The following SCEL variants were observed in gnomAD, a reference collection of about 807,000 sequenced individuals.
The protein encoded by SCEL is sciellin.
In SCEL, 113 loss-of-function variants were observed where a neutral mutation model predicts 117.6. The observed-to-expected ratio is 0.96, with a 90% CI of 0.83 to 1.12. The LOEUF (loss-of-function observed/expected upper bound fraction) is 1.12, where lower values mean the gene tolerates loss of function less well. Ranked by LOEUF, SCEL falls within the 50% of genes most tolerant of loss-of-function variation. SCEL has a pLI of 0.00. For synonymous variants in SCEL, 270 were observed against 256.2 expected (o/e 1.05, Z -0.51); for missense variants, 785 against 810.8 (o/e 0.97, Z 0.39).
chr13:77,556,659 G>T lies in SCEL; in HGVS notation c.107G>T (p.Arg36Ile). 6.2e-7 allele frequency: 1 copy of T among 1,614,070 alleles called. No individual in the cohort carries two copies. Among genetic ancestry groups the T allele is most frequent in the South Asian group, 1.1e-5 (1 of 91,084 alleles). ...CAGGATTTTCACGAGGTGAACAAAA[G>T]AAGAACTTTCTTACAGGATAACAGT... ...KQQDFHEVNK[R>I]RTFLQDNSWI... The change falls in exon 3 of 33, where the codon AGA becomes ATA. Residue 36 changes from arginine to isoleucine, a missense_variant. Physicochemically the swap from Arg to Ile is moderately conservative, Grantham distance 97. Coordinates refer to ENST00000349847, the MANE Select transcript of SCEL (RefSeq NM_144777.3).
At chr13:77,565,166 T>A (rs2085217933) in intron 5 of SCEL, among the ~76,000 whole-genome samples, 1 of 152,224 alleles carries the variant, frequency 6.6e-6, no homozygotes, top group Non-Finnish European at 1.5e-5. Context: ...AGCCTAGGAA[T>A]GTGGGAAATA....
At chr13:77,549,552 C>G (rs2084186278) in intron 1 of SCEL, among the ~76,000 whole-genome samples, 1 of 152,162 alleles carries the variant, frequency 6.6e-6, no homozygotes, top group Admixed American at 6.5e-5. Context: ...ATTCTGCTTT[C>G]CTGTACAATA....
At chr13:77,564,827 C>T (rs2085195173) in intron 5 of SCEL, among the ~76,000 whole-genome samples, 2 of 152,142 alleles carry the variant, frequency 1.3e-5, no homozygotes, top group South Asian at 4.1e-4. Context: ...CTGCATTATT[C>T]CTAGGCTTTC....
intron 27 of SCEL, among the ~76,000 whole-genome samples, chr13:77,625,134 A>G (rs1229632113): frequency 3.3e-5 from 5 of 152,138 alleles, no homozygotes; most frequent in Admixed American, 6.5e-5. Context: ...ATCTTCCACT[A>G]TTTACCACTG....
At chr13:77,620,040 C>T (rs1056538953) in intron 27 of SCEL, among the ~76,000 whole-genome samples, 10 of 152,168 alleles carry the variant, frequency 6.6e-5, no homozygotes, top group African/African-American at 1.7e-4. Flanking sequence ...CGACATTTTC[C>T]GTATACAGAT....
At chr13:77,632,042 C>G (rs1413535203) in intron 28 of SCEL, among the ~76,000 whole-genome samples, 1 of 152,210 alleles carries the variant, frequency 6.6e-6, no homozygotes, top group Non-Finnish European at 1.5e-5. Flanking sequence ...TCTCTGGTAG[C>G]TCTTCCTCTT....
At chr13:77,582,007 T>C (rs1187465261) in intron 9 of SCEL, among the ~76,000 whole-genome samples, 1 of 151,854 alleles carries the variant, frequency 6.6e-6, no homozygotes, top group Non-Finnish European at 1.5e-5. Flanking sequence ...TGGTGTAGGG[T>C]TTGGGAGAGG....
chr13:77,614,037 G>A (rs1315947189), intron 24 of SCEL, 82 bp downstream of exon 24: 1 of 1,126,096 alleles, frequency 8.9e-7, no homozygotes, highest in African/African-American at 1.6e-5. Flanking sequence ...TTATTCTATG[G>A]GCAAATTGAA....
chr13:77,619,268 T>G (rs1368157405), intron 27 of SCEL, among the ~76,000 whole-genome samples: 2 of 152,216 alleles, frequency 1.3e-5, no homozygotes, highest in Non-Finnish European at 2.9e-5. Flanking sequence ...GTTTTGTTAC[T>G]TCTTCAGCAC....
intron 32 of SCEL, 126 bp from the exon 33 acceptor site, chr13:77,644,132 A>G: frequency 3.0e-6 from 3 of 997,336 alleles, no homozygotes; most frequent in Middle Eastern, 4.2e-4. Flanking sequence ...CGATTATTTC[A>G]GAAGTGGAAG....
chr13:77,542,281 A>G (rs2154393917), intron 1 of SCEL, among the ~76,000 whole-genome samples: 1 of 152,266 alleles, frequency 6.6e-6, no homozygotes, highest in East Asian at 1.9e-4. Flanking sequence ...CGTGCCTGTA[A>G]TCCCAGCTAC....
In SCEL at chr13:77,588,359, A is replaced by G. The variant is rs921625046; in HGVS notation, c.546-785A>G. On this transcript the variant is annotated intron_variant, in intron 9 of 32. Coordinates refer to ENST00000349847, the MANE Select transcript of SCEL (RefSeq NM_144777.3). ...ACTCTAGCCCACATGCCTATCTACC[A>G]TTGCTACAGAAGCCAGAAGGGTACA... is the stretch of plus-strand genomic sequence containing the variant. Among the ~76,000 whole-genome samples the G allele has an allele frequency of 5.9e-5, 9 of 152,170 alleles. No homozygotes were observed. In the South Asian group the frequency reaches 1.0e-3, roughly 17 times the overall value.
chr13:77,551,924 T>C (rs2084353896), intron 1 of SCEL, among the ~76,000 whole-genome samples: 1 of 144,156 alleles, frequency 6.9e-6, no homozygotes, highest in Admixed American at 7.3e-5. Context: ...AATTCCCATC[T>C]ATGAGTGAGA....
Position 77,591,386 on chromosome 13 carries a change from A to C in SCEL, c.627-9A>C. 6.5e-7 allele frequency: 1 copy of C among 1,540,366 alleles called. No individual in the cohort carries two copies. The highest frequency in any genetic ancestry group is 8.9e-7 in the Non-Finnish European group (1 of 1,119,366). ...TGACTGATATAATCTTCTAACTTTG[A>C]AAATATAGGCAGATACATCCACCTA... On this transcript the variant is annotated splice_polypyrimidine_tract_variant and intron_variant, in intron 10 of 32. Transcript: ENST00000349847.
chr13:77,633,129 A>G (rs1728748086), intron 28 of SCEL, among the ~76,000 whole-genome samples: 1 of 152,200 alleles, frequency 6.6e-6, no homozygotes, highest in South Asian at 2.1e-4. Context: ...TATTTGTGTT[A>G]TCTGTGTAGA....
chr13:77,567,689 C>T lies in SCEL; in HGVS notation c.300C>T (p.Asp100=). ...SSDDTLDRIS[D]RNDAAKTYKA... is the part of the protein sequence containing the mutation. ...TTGTTTCTTTATAAAGGATCTCAGACAGAAATGATGCTGCTAAAACATATA... is the reference window on the plus strand; with the variant it reads ...TTGTTTCTTTATAAAGGATCTCAGATAGAAATGATGCTGCTAAAACATATA... Residue 100 remains aspartate (D), a synonymous_variant, in exon 6 of 33, where the codon GAC becomes GAT. Coordinates refer to ENST00000349847, the MANE Select transcript of SCEL (RefSeq NM_144777.3). The T allele has an allele frequency of 6.2e-7, 1 of 1,606,782 alleles. No homozygotes were observed. The highest frequency in any genetic ancestry group is 8.5e-7 in the Non-Finnish European group (1 of 1,176,258).
At chr13:77,596,109 G>A (rs1040795928) in intron 12 of SCEL, among the ~76,000 whole-genome samples, 1 of 152,148 alleles carries the variant, frequency 6.6e-6, no homozygotes, top group African/African-American at 2.4e-5. Context: ...GAGGTGGGCA[G>A]ATCACCTGAG....
chr13:77,541,172 CAT>C (rs1214625259), intron 1 of SCEL, among the ~76,000 whole-genome samples: 6 of 151,950 alleles, frequency 3.9e-5, no homozygotes, highest in Non-Finnish European at 8.8e-5. Context: ...ATGTTCCTGA[CAT>C]ATAAAGAAAA....
At chr13:77,616,002 CTCTGTGTGTGTG>C (rs1391803288) in intron 24 of SCEL, among the ~76,000 whole-genome samples, 51 of 141,916 alleles carry the variant, frequency 3.6e-4, no homozygotes, top group East Asian at 7.9e-4. Flanking sequence ...ATTTATGTCT[CTCTGTGTGTGTG>C]TGTGTGTGTG....
Sources: allele counts gnomAD v4.1 joint callset (sites outside exome capture counted in the v4.1 genomes callset), GRCh38; gene constraint gnomAD v4.1.1; transcripts MANE v1.5; gene names NCBI Gene and HGNC (gene_info 2026-07-23, HGNC 2026-07-21).